PCDHA1: variants seen among roughly 807,000 people sequenced by gnomAD.
PCDHA1 encodes the protein protocadherin alpha-1.
PCDHA1 carries 42 observed loss-of-function variants against 61.3 expected under a neutral mutation model. The observed-to-expected ratio is 0.69, with a 90% confidence interval of 0.54 to 0.89. The LOEUF (loss-of-function observed/expected upper bound fraction) is 0.89, where lower values mean the gene tolerates loss of function less well. Among genes scored for constraint, PCDHA1 ranks in the 40% least tolerant of loss-of-function variants. The pLI is 0.00. For synonymous variants in PCDHA1, 610 were observed against 553.8 expected, an observed-to-expected ratio of 1.10 and a Z score of -1.43; for missense variants, 1,256 against 1,235.3, an observed-to-expected ratio of 1.02 and a Z score of -0.25.
intron 1 of PCDHA1, among the ~76,000 whole-genome samples, chr5:140,951,495 G>A (rs1554219919): frequency 1.3e-5 from 2 of 151,958 alleles, no homozygotes; most frequent in African/African-American, 4.8e-5. Context: ...ATGGTGGAAG[G>A]CAAAAGGAAA....
intron 1 of PCDHA1, among the ~76,000 whole-genome samples, chr5:140,839,987 G>A (rs187099249): frequency 6.6e-6 from 1 of 152,212 alleles, no homozygotes; most frequent in African/African-American, 2.4e-5. Context: ...TTGGAAAGTG[G>A]TTAGCCTTAG....
chr5:140,870,286 A>C, intron 1 of PCDHA1: 1 of 1,614,124 alleles, frequency 6.2e-7, no homozygotes, highest in Non-Finnish European at 8.5e-7. Context: ...CGTTCCCTTC[A>C]AGCTGGTGTC....
chr5:140,926,889 G>A, intron 1 of PCDHA1: 1 of 1,545,026 alleles, frequency 6.5e-7, no homozygotes, highest in Non-Finnish European at 8.7e-7. Context: ...CGCCTAGAGG[G>A]AGGATGGTGG....
chr5:140,925,641 T>TATAATAATA (rs10569930), intron 1 of PCDHA1, among the ~76,000 whole-genome samples: 4,530 of 143,294 alleles, frequency 0.032, 85 homozygotes, highest in Middle Eastern at 0.043. Flanking sequence ...GAACTTAAAG[T>TATAATAATA]ATAATAATAA....
At chr5:140,887,348 G>C (rs997332881) in intron 1 of PCDHA1, among the ~76,000 whole-genome samples, 1 of 151,978 alleles carries the variant, frequency 6.6e-6, no homozygotes, top group Non-Finnish European at 1.5e-5. Flanking sequence ...CACCTGGCTC[G>C]GCCTCCCAAA....
In PCDHA1 at chr5:140,786,490, C is replaced by T; in HGVS notation, c.200C>T (p.Ala67Val). 6.2e-7 allele frequency: 1 copy of T among 1,613,774 alleles called. No individual in the cohort carries two copies. The change falls in exon 1 of 4, where the codon GCG (alanine) becomes GTG (valine). Residue 67 changes from alanine (A) to valine (V), a missense_variant. By Grantham distance (64) the Ala-to-Val change is moderately conservative. Coordinates refer to ENST00000504120, the MANE Select transcript of PCDHA1 (RefSeq NM_018900.4). ...CTGGTGCCTCGCCTGTTCCGGGTGG[C>T]GTCCAAAACACACAGGGACCTTCTG... is the stretch of plus-strand genomic sequence containing the variant. ...AELVPRLFRV[A>V]SKTHRDLLEV... is the part of the protein sequence containing the mutation.
chr5:140,967,903 A>G, intron 1 of PCDHA1: 1 of 1,614,112 alleles, frequency 6.2e-7, no homozygotes, highest in African/African-American at 1.3e-5. Context: ...AGAATGCTAC[A>G]CCCAACACCA....
intron 1 of PCDHA1, chr5:140,928,635 A>T (rs148091714): frequency 1.6e-4 from 258 of 1,614,104 alleles, no homozygotes; most frequent in Non-Finnish European, 2.1e-4. Flanking sequence ...ACTTGGTCAC[A>T]AAAGTGGTAG....
At chr5:140,789,126 A>T (rs1191203507) in intron 1 of PCDHA1, among the ~76,000 whole-genome samples, 2 of 152,252 alleles carry the variant, frequency 1.3e-5, no homozygotes, top group Non-Finnish European at 2.9e-5. Context: ...AGTGAACAAT[A>T]AACTGAAGTT....
At chr5:140,869,770 A>G in intron 1 of PCDHA1, 1 of 1,613,216 alleles carries the variant, frequency 6.2e-7, no homozygotes, top group South Asian at 1.1e-5. Flanking sequence ...ACCAGAGCTT[A>G]CTGGCACCGT....
Position 140,808,605 on chromosome 5 carries a change from A to G in PCDHA1, c.2394+19921A>G, listed in dbSNP as rs1554124653. On this transcript the variant is annotated intron_variant, in intron 1 of 3. Coordinates refer to ENST00000504120, the MANE Select transcript of PCDHA1 (RefSeq NM_018900.4). ...AAGGAGAACAACCCGCCGGGCTGCC[A>G]CATCTTCACTGTGTCTGCGTGGGAC... 1 of 1,613,752 alleles carries G rather than the reference A, an allele frequency of 6.2e-7. No individual in the cohort carries two copies. The highest frequency in any genetic ancestry group is 2.2e-5 in the East Asian group (1 of 44,894).
At chr5:140,932,880 AT>A (rs1219080024) in intron 1 of PCDHA1, among the ~76,000 whole-genome samples, 2 of 151,952 alleles carry the variant, frequency 1.3e-5, no homozygotes, top group Non-Finnish European at 2.9e-5. Context: ...TGTCTTCAAT[AT>A]TTTCAGTTAG....
At chr5:140,987,585 A>G (rs575330361) in intron 3 of PCDHA1, among the ~76,000 whole-genome samples, 2 of 152,236 alleles carry the variant, frequency 1.3e-5, no homozygotes, top group East Asian at 3.8e-4. Flanking sequence ...AAATGGGGAG[A>G]ATAGTGGTGT....
chr5:140,830,266 G>T (rs2150183759), intron 1 of PCDHA1: 8 of 1,613,648 alleles, frequency 5.0e-6, no homozygotes, highest in Non-Finnish European at 6.8e-6. Context: ...GGTGCTCGGC[G>T]CCACCCACCG....
intron 1 of PCDHA1, chr5:140,810,670 CTTTTTTCTCTTCT>C (rs1370991145): frequency 4.0e-5 from 4 of 98,992 alleles, no homozygotes; most frequent in African/African-American, 2.0e-4. Flanking sequence ...TTTTTCTTTT[CTTTTTTCTCTTCT>C]TTTTGCTTCC....
chr5:140,880,063 G>A (rs750549371), intron 1 of PCDHA1, among the ~76,000 whole-genome samples: 2 of 151,982 alleles, frequency 1.3e-5, no homozygotes, highest in Non-Finnish European at 2.9e-5. Flanking sequence ...AACTTTTTGG[G>A]GACCACAATT....
intron 1 of PCDHA1, among the ~76,000 whole-genome samples, chr5:140,875,148 G>T (rs1267290548): frequency 2.0e-5 from 3 of 152,118 alleles, no homozygotes; most frequent in Non-Finnish European, 4.4e-5. Context: ...TAAATGATCC[G>T]TGAAAAATAA....
chr5:140,813,856 A>T (rs1765389446), intron 1 of PCDHA1: 1 of 152,236 alleles, frequency 6.6e-6, no homozygotes, highest in Non-Finnish European at 1.5e-5. Flanking sequence ...AAAATTAGCT[A>T]GGTGTGGTGA....
intron 1 of PCDHA1, among the ~76,000 whole-genome samples, chr5:140,938,931 A>T (rs1371527205): frequency 6.6e-6 from 1 of 152,044 alleles, no homozygotes; most frequent in African/African-American, 2.4e-5. Context: ...TTGGCTTTTA[A>T]CTTTCCATTC....
Sources: allele counts gnomAD v4.1 joint callset (sites outside exome capture counted in the v4.1 genomes callset), GRCh38; gene constraint gnomAD v4.1.1; transcripts MANE v1.5; gene names NCBI Gene and HGNC (gene_info 2026-07-23, HGNC 2026-07-21).